The following HIP1 variants were observed in gnomAD, a reference collection of about 807,000 sequenced individuals.
HIP1 encodes huntingtin interacting protein 1.
In HIP1, 65 loss-of-function variants were observed where a neutral mutation model predicts 147.6. The ratio of observed to expected loss-of-function variants is 0.44; its 90% CI spans 0.36 to 0.54. HIP1 has a LOEUF of 0.54. Ranked by LOEUF, HIP1 falls within the 20% of genes least tolerant of loss-of-function variation. HIP1 has a pLI of 0.00. For synonymous variants in HIP1, 479 were observed against 504.0 expected (o/e 0.95, Z 0.67); for missense variants, 1,061 against 1,299.6 (o/e 0.82, Z 2.82).
At chr7:75,728,968 T>C (rs1490632852) in intron 1 of HIP1, among the ~76,000 whole-genome samples, 1 of 151,354 alleles carries the variant, frequency 6.6e-6, no homozygotes, top group Non-Finnish European at 1.5e-5. Flanking sequence ...AAACTACCTA[T>C]GGGGTACTAT....
chr7:75,638,636 C>T (rs369073418), intron 1 of HIP1, among the ~76,000 whole-genome samples: 31 of 147,036 alleles, frequency 2.1e-4, no homozygotes, highest in African/African-American at 7.8e-4. Context: ...CTGTGCCTCC[C>T]TGCCCACGGG....
chr7:75,553,314 C>G (rs1554492471), intron 22 of HIP1, 139 bp downstream of exon 22: 2 of 1,147,922 alleles, frequency 1.7e-6, no homozygotes, highest in Non-Finnish European at 2.5e-6. Flanking sequence ...CCAGATTTTC[C>G]AATTTTAACA....
At chr7:75,622,924 G>A (rs1454359516) in intron 1 of HIP1, among the ~76,000 whole-genome samples, 3 of 151,688 alleles carry the variant, frequency 2.0e-5, no homozygotes, top group African/African-American at 7.3e-5. Flanking sequence ...TTGGCTGGGT[G>A]TGGTGGCTCA....
At chr7:75,572,591 C>T (rs1211907650) in intron 8 of HIP1, among the ~76,000 whole-genome samples, 9 of 152,200 alleles carry the variant, frequency 5.9e-5, no homozygotes, top group Non-Finnish European at 1.2e-4. Context: ...CCACTGCCAT[C>T]ATGCCAGCTG....
chr7:75,712,689 CTCAT>C (rs569780359), intron 1 of HIP1, among the ~76,000 whole-genome samples: 83 of 152,310 alleles, frequency 5.4e-4, no homozygotes, highest in Admixed American at 1.5e-3. Context: ...TTCCTTCACT[CTCAT>C]TCACTCATTT....
rs781817047 is a variant in HIP1 at position 75,538,181 on chromosome 7, T to G, written c.3105A>C (p.Glu1035Asp). ...SPPTLQEVVT[E>D]KE ...GGGTGTTGGTTTGGCTCTATTCTTT[T>G]TCGGTTACCACTTCTTGCAGTGTAG... The change falls in exon 31 of 31, where the codon GAA becomes GAC. Residue 1035 changes from glutamate to aspartate, a missense_variant. Around this residue, in one of 3 missense-constraint regions of HIP1, gnomAD observed 810 missense variants for 946.8 expected, o/e 0.86. Transcript: ENST00000336926. 1.2e-6 allele frequency: 2 copies of G among 1,612,658 alleles called. No homozygotes were observed. Among genetic ancestry groups the G allele is most frequent in the Non-Finnish European group, 1.7e-6 (2 of 1,178,736 alleles).
chr7:75,666,979 AAT>A (rs781840616), intron 1 of HIP1, among the ~76,000 whole-genome samples: 7 of 152,090 alleles, frequency 4.6e-5, no homozygotes, highest in Non-Finnish European at 1.0e-4. Context: ...AAGGGTTATA[AAT>A]ATATATATGT....
intron 1 of HIP1, among the ~76,000 whole-genome samples, chr7:75,694,360 C>T (rs977853627): frequency 1.1e-4 from 16 of 152,070 alleles, no homozygotes; most frequent in Non-Finnish European, 1.9e-4. Flanking sequence ...CATGCGTGGT[C>T]GGCAGATGTG....
chr7:75,660,436 A>G (rs1306550695), intron 1 of HIP1, among the ~76,000 whole-genome samples: 1 of 152,150 alleles, frequency 6.6e-6, no homozygotes, highest in Non-Finnish European at 1.5e-5. Context: ...CTGAGGCAGG[A>G]GAATTGCTTG....
intron 1 of HIP1, among the ~76,000 whole-genome samples, chr7:75,719,098 G>A (rs949636488): frequency 7.9e-5 from 12 of 151,740 alleles, no homozygotes; most frequent in African/African-American, 2.9e-4. Context: ...TGGGAGGATC[G>A]CTTGAGCCCA....
chr7:75,715,218 T>C (rs979328074), intron 1 of HIP1, among the ~76,000 whole-genome samples: 1 of 149,110 alleles, frequency 6.7e-6, no homozygotes, highest in South Asian at 2.1e-4. Context: ...AGCGAGACCC[T>C]ATCTCTGCCA....
At chr7:75,645,639 C>G (rs1008277557) in intron 1 of HIP1, among the ~76,000 whole-genome samples, 5 of 152,110 alleles carry the variant, frequency 3.3e-5, no homozygotes, top group Non-Finnish European at 7.3e-5. Flanking sequence ...CACCTGCACT[C>G]GTATGTTCAT....
At chr7:75,704,487 G>A (rs1446710999) in intron 1 of HIP1, among the ~76,000 whole-genome samples, 3 of 152,070 alleles carry the variant, frequency 2.0e-5, no homozygotes, top group Admixed American at 2.0e-4. Context: ...CAGGTGATCC[G>A]CCTGCCTTGG....
At chr7:75,704,648 T>A (rs1381392034) in intron 1 of HIP1, among the ~76,000 whole-genome samples, 2 of 152,168 alleles carry the variant, frequency 1.3e-5, no homozygotes. Context: ...AGTGGCCTGA[T>A]CTCGACTCAC....
intron 1 of HIP1, among the ~76,000 whole-genome samples, chr7:75,700,629 G>C (rs1183467396): frequency 6.6e-6 from 1 of 152,052 alleles, no homozygotes; most frequent in Non-Finnish European, 1.5e-5. Flanking sequence ...AGCCACGGCA[G>C]AGACAAAAGA....
Position 75,683,022 on chromosome 7 carries a change from G to A in HIP1, c.120+55779C>T, listed in dbSNP as rs145694334. 3.0e-3 allele frequency among the ~76,000 whole-genome samples: 461 copies of A among 151,560 alleles called. 6 individuals are homozygous for A. The East Asian group carries it at 0.052, about 17-fold the overall frequency. On this transcript the variant is annotated intron_variant, in intron 1 of 30. Coordinates refer to ENST00000336926, the MANE Select transcript of HIP1 (RefSeq NM_005338.7). ...TTTTGAGATGGAGTCTCGCTCTGTC[G>A]CCCAGGCTAGAGTGCAGTGGTGCGA...
intron 1 of HIP1, among the ~76,000 whole-genome samples, chr7:75,644,877 T>C (rs1175965384): frequency 6.6e-6 from 1 of 152,206 alleles, no homozygotes; most frequent in African/African-American, 2.4e-5. Flanking sequence ...CACAGAGCAT[T>C]CTCACCGGGC....
chr7:75,571,959 T>C lies in HIP1; in HGVS notation c.745+1802A>G, dbSNP rs587641274. On this transcript the variant is annotated intron_variant, in intron 8 of 30. Coordinates refer to ENST00000336926, the MANE Select transcript of HIP1 (RefSeq NM_005338.7). ...GTGTGGTGGGTCATACCTGTAATCC[T>C]AGCACTTTAGGAGGCTGAGGTGGGC... Among the ~76,000 whole-genome samples, 27 of 152,232 alleles carry C rather than the reference T, an allele frequency of 1.8e-4. 1 individual carries two copies. The South Asian group carries it at 3.3e-3, about 19-fold the overall frequency.
Position 75,643,726 on chromosome 7 carries a change from G to A in HIP1, c.121-44479C>T, listed in dbSNP as rs1260205513. On this transcript the variant is annotated intron_variant, in intron 1 of 30. Coordinates refer to ENST00000336926, the MANE Select transcript of HIP1 (RefSeq NM_005338.7). ...AAGAAATAATAGGGTATGGCTGGGCGCGGTGGCTCACACCTATAATCCCAG... is the reference window on the plus strand; with the variant it reads ...AAGAAATAATAGGGTATGGCTGGGCACGGTGGCTCACACCTATAATCCCAG... Among the ~76,000 whole-genome samples, 11 of 152,224 alleles carry A rather than the reference G, an allele frequency of 7.2e-5. No individual in the cohort carries two copies. In the East Asian group the frequency reaches 7.7e-4, roughly 11 times the overall value.
Sources: gnomAD v4.1 joint callset for allele counts (sites outside exome capture counted in the v4.1 genomes callset) on GRCh38, gnomAD v4.1.1 for gene constraint, gnomAD v4.1.1 regional missense constraint, MANE v1.5 for transcripts, NCBI Gene and HGNC (gene_info 2026-07-23, HGNC 2026-07-21) for gene names.